The following SNX7 variants were observed in gnomAD, a reference collection of about 807,000 sequenced individuals.
The protein encoded by SNX7 is sorting nexin-7.
SNX7 carries 35 observed loss-of-function variants against 48.4 expected under a neutral mutation model. The ratio of observed to expected loss-of-function variants is 0.72; its 90% CI spans 0.55 to 0.96. The LOEUF (loss-of-function observed/expected upper bound fraction) is 0.96. SNX7 is among the 40% of genes least tolerant of loss of function. The pLI, the probability that SNX7 is intolerant of heterozygous loss-of-function variation, is 0.00. For synonymous variants in SNX7, 190 were observed against 190.2 expected (o/e 1.00, Z 0.01); for missense variants, 553 against 548.9 (o/e 1.01, Z -0.07).
chr1:98,716,775 G>A (rs2100999500), intron 7 of SNX7, among the ~76,000 whole-genome samples: 1 of 152,094 alleles, frequency 6.6e-6, no homozygotes, highest in Non-Finnish European at 1.5e-5. Context: ...TTTAAGGCAA[G>A]TAACAATTAT....
At chr1:98,666,556 A>G (rs961659676) in intron 1 of SNX7, among the ~76,000 whole-genome samples, 3 of 152,102 alleles carry the variant, frequency 2.0e-5, no homozygotes, top group African/African-American at 7.2e-5. Context: ...CAGAAAATAG[A>G]TGGGTGGGGT....
intron 8 of SNX7, among the ~76,000 whole-genome samples, chr1:98,746,846 G>A (rs572249542): frequency 1.3e-5 from 2 of 152,028 alleles, no homozygotes; most frequent in South Asian, 4.1e-4. Context: ...CATTCCGGGA[G>A]GTAAATCTAA....
chr1:98,708,502 G>A (rs1052665077), intron 7 of SNX7, among the ~76,000 whole-genome samples: 12 of 152,138 alleles, frequency 7.9e-5, no homozygotes, highest in African/African-American at 1.7e-4. Flanking sequence ...AGAACGTAAC[G>A]TGGAGAGTAG....
At chr1:98,688,465 TC>T (rs1372366519) in intron 2 of SNX7, among the ~76,000 whole-genome samples, 1 of 152,194 alleles carries the variant, frequency 6.6e-6, no homozygotes, top group Non-Finnish European at 1.5e-5. Flanking sequence ...GTACTTTCCT[TC>T]CACTTCCTCT....
chr1:98,705,862 A>T (rs1387901019), intron 7 of SNX7, among the ~76,000 whole-genome samples: 1 of 152,104 alleles, frequency 6.6e-6, no homozygotes, highest in Non-Finnish European at 1.5e-5. Flanking sequence ...TGCAGAGAAG[A>T]GTTAATATGA....
chr1:98,683,205 C>T (rs532596776), intron 1 of SNX7, among the ~76,000 whole-genome samples: 46 of 152,220 alleles, frequency 3.0e-4, no homozygotes, highest in South Asian at 6.2e-4. Context: ...CTTTATTTCA[C>T]GTCAGAGCCT....
Position 98,685,097 on chromosome 1 carries a change from A to G in SNX7, c.363+30A>G, listed in dbSNP as rs747553755. On this transcript the variant is annotated intron_variant, in intron 2 of 8. Transcript: ENST00000306121. Reference sequence around the variant, plus strand: ...ACATTTGGTGAATATTTTCTTGAATATAGCTGCTTTTTTTTAAGCTTTGGA... The same window carrying G: ...ACATTTGGTGAATATTTTCTTGAATGTAGCTGCTTTTTTTTAAGCTTTGGA... 20 of 1,334,544 alleles carry G rather than the reference A, an allele frequency of 1.5e-5. No homozygotes were observed. In the South Asian group the frequency reaches 4.1e-4, roughly 27 times the overall value. 82.7% of individuals were successfully genotyped at this position (1,334,544 alleles called of 1,614,324 possible).
chr1:98,744,019 T>C (rs1486867768), intron 8 of SNX7, among the ~76,000 whole-genome samples: 1 of 152,056 alleles, frequency 6.6e-6, no homozygotes, highest in Non-Finnish European at 1.5e-5. Flanking sequence ...AGTATTGATA[T>C]GTGCTCATCT....
At chr1:98,672,050 TG>T (rs1373166603) in intron 1 of SNX7, among the ~76,000 whole-genome samples, 5 of 152,330 alleles carry the variant, frequency 3.3e-5, no homozygotes, top group Admixed American at 3.3e-4. Flanking sequence ...TAATTTGTTC[TG>T]AGAAAAATGT....
chr1:98,672,464 C>T (rs940459075), intron 1 of SNX7, among the ~76,000 whole-genome samples: 2 of 148,880 alleles, frequency 1.3e-5, no homozygotes, highest in Non-Finnish European at 3.0e-5. Context: ...GTAATCCGCT[C>T]ACAGGAAGAA....
chr1:98,672,487 A>G (rs904260958), intron 1 of SNX7, among the ~76,000 whole-genome samples: 3 of 150,520 alleles, frequency 2.0e-5, no homozygotes, highest in East Asian at 2.0e-4. Flanking sequence ...AAGAGGGATC[A>G]TTAGGAACAA....
At chr1:98,717,736 A>G (rs914552037) in intron 7 of SNX7, among the ~76,000 whole-genome samples, 12 of 152,112 alleles carry the variant, frequency 7.9e-5, no homozygotes, top group Non-Finnish European at 1.5e-4. Context: ...ATGAAATGAG[A>G]TAAGGAGGTA....
intron 1 of SNX7, among the ~76,000 whole-genome samples, chr1:98,670,328 G>A (rs1649783119): frequency 6.6e-6 from 1 of 152,084 alleles, no homozygotes; most frequent in Admixed American, 6.6e-5. Context: ...ACCTGCCTCA[G>A]GGAGCTTGAT....
rs551687339 is a variant in SNX7 at position 98,686,032 on chromosome 1, C to T, written c.363+965C>T. On this transcript the variant is annotated intron_variant, in intron 2 of 8. Coordinates refer to ENST00000306121, the MANE Select transcript of SNX7 (RefSeq NM_015976.5). ...GCTTTCCACTCAGGTAGAGCTGCTTCTGTTTTCTGAATATTTAGGGGATCT... is the reference window on the plus strand; with the variant it reads ...GCTTTCCACTCAGGTAGAGCTGCTTTTGTTTTCTGAATATTTAGGGGATCT... Among the ~76,000 whole-genome samples the T allele has an allele frequency of 2.0e-5, 3 of 152,242 alleles. No homozygotes were observed. In the South Asian group the frequency reaches 6.2e-4, roughly 32 times the overall value.
chr1:98,723,697 T>C (rs1289365799), intron 7 of SNX7, among the ~76,000 whole-genome samples: 1 of 151,686 alleles, frequency 6.6e-6, no homozygotes, highest in Non-Finnish European at 1.5e-5. Flanking sequence ...CTACTAAAAA[T>C]ACAAAAAAAA....
intron 3 of SNX7, 100 bp from the exon 4 acceptor site, chr1:98,691,435 T>G (rs945523678): frequency 1.9e-5 from 19 of 976,844 alleles, no homozygotes; most frequent in Non-Finnish European, 2.6e-5. Flanking sequence ...TAAGAAATGA[T>G]CAGATGTTCA....
At chr1:98,725,546 C>T (rs1653120866) in intron 7 of SNX7, among the ~76,000 whole-genome samples, 1 of 152,126 alleles carries the variant, frequency 6.6e-6, no homozygotes, top group Non-Finnish European at 1.5e-5. Context: ...AAAAACTGAT[C>T]TCTAATAAAA....
upstream of SNX7, chr1:98,661,715 G>T: frequency 8.2e-7 from 1 of 1,214,810 alleles, no homozygotes; most frequent in South Asian, 4.1e-5. Context: ...GCGGCCGGCT[G>T]GGCGCGCACT....
At chr1:98,750,199 CTT>C (rs1357656869) in intron 8 of SNX7, among the ~76,000 whole-genome samples, 33 of 151,606 alleles carry the variant, frequency 2.2e-4, no homozygotes, top group Admixed American at 2.0e-4. Context: ...TTTATTTTGA[CTT>C]ATATAATAAT....
Sources: gnomAD v4.1 joint callset for allele counts (sites outside exome capture counted in the v4.1 genomes callset) on GRCh38, gnomAD v4.1.1 for gene constraint, MANE v1.5 for transcripts, NCBI Gene and HGNC (gene_info 2026-07-23, HGNC 2026-07-21) for gene names.